ADAMTSL1: variants seen among roughly 807,000 people sequenced by gnomAD.
The protein encoded by ADAMTSL1 is ADAMTS-like protein 1.
ADAMTSL1 carries 126 observed loss-of-function variants against 201.8 expected under a neutral mutation model. That is an observed-to-expected ratio of 0.62 (90% CI 0.54 to 0.72). ADAMTSL1 has a LOEUF of 0.72. Ranked by LOEUF, ADAMTSL1 falls within the 30% of genes least tolerant of loss-of-function variation. The pLI is 0.00. For missense variants in ADAMTSL1, 2,679 were observed against 2,277.8 expected, an observed-to-expected ratio of 1.18 and a Z score of -3.59; for synonymous variants, 1,121 against 903.4, an observed-to-expected ratio of 1.24 and a Z score of -4.32.
chr9:18,726,289 G>C (rs1817886627), intron 15 of ADAMTSL1, among the ~76,000 whole-genome samples: 1 of 152,138 alleles, frequency 6.6e-6, no homozygotes, highest in African/African-American at 2.4e-5. Context: ...GATTGCTTAA[G>C]ATCGGGAGTT....
chr9:18,662,462 G>A (rs1029703463), intron 9 of ADAMTSL1, among the ~76,000 whole-genome samples: 10 of 152,058 alleles, frequency 6.6e-5, no homozygotes, highest in Non-Finnish European at 1.0e-4. Context: ...CTCTATTCCC[G>A]ATCAGGGACA....
At chr9:18,372,621 A>C (rs1254314091) in intron 2 of ADAMTSL1, among the ~76,000 whole-genome samples, 2 of 152,186 alleles carry the variant, frequency 1.3e-5, no homozygotes, top group Admixed American at 6.5e-5. Context: ...AATTTTTCCT[A>C]AATTTAATGT....
intron 2 of ADAMTSL1, among the ~76,000 whole-genome samples, chr9:18,215,665 C>G (rs536837873): frequency 1.3e-5 from 2 of 152,240 alleles, no homozygotes; most frequent in African/African-American, 4.8e-5. Flanking sequence ...ATTAGCTTGG[C>G]TTATAACTTT....
intron 2 of ADAMTSL1, among the ~76,000 whole-genome samples, chr9:18,176,012 A>G (rs1828134680): frequency 7.9e-6 from 1 of 126,002 alleles, no homozygotes; most frequent in Non-Finnish European, 1.8e-5. Flanking sequence ...GAAAGCAAAA[A>G]AAAAAAAAAA....
At chr9:18,822,277 C>A (rs1824257428) in intron 21 of ADAMTSL1, among the ~76,000 whole-genome samples, 1 of 152,126 alleles carries the variant, frequency 6.6e-6, no homozygotes, top group South Asian at 2.1e-4. Flanking sequence ...TCTCCCGCAA[C>A]CTGACCAAGC....
chr9:18,044,784 A>G (rs1021803381), intron 1 of ADAMTSL1, among the ~76,000 whole-genome samples: 4 of 152,152 alleles, frequency 2.6e-5, no homozygotes. Flanking sequence ...GACAACACAG[A>G]AAGTTATCAG....
At chr9:17,995,996 G>A (rs577562907) in intron 1 of ADAMTSL1, among the ~76,000 whole-genome samples, 2 of 151,908 alleles carry the variant, frequency 1.3e-5, no homozygotes, top group East Asian at 1.9e-4. Context: ...CCTTAGAATC[G>A]TGTCTAGCTC....
chr9:18,190,362 G>A (rs942801170), intron 2 of ADAMTSL1, among the ~76,000 whole-genome samples: 14 of 152,136 alleles, frequency 9.2e-5, no homozygotes, highest in African/African-American at 3.4e-4. Flanking sequence ...ATCCATCTAA[G>A]CTGACTTTAT....
At chr9:18,115,554 G>A (rs546376222) in intron 1 of ADAMTSL1, among the ~76,000 whole-genome samples, 2 of 152,248 alleles carry the variant, frequency 1.3e-5, no homozygotes, top group East Asian at 1.9e-4. Context: ...AAAAAAATCT[G>A]TATTTTGTTT....
intron 23 of ADAMTSL1, among the ~76,000 whole-genome samples, chr9:18,843,169 G>A (rs1416799092): frequency 1.3e-5 from 2 of 150,746 alleles, no homozygotes; most frequent in African/African-American, 5.0e-5. Flanking sequence ...GCAGTGGCTG[G>A]TACCGGTTGT....
intron 4 of ADAMTSL1, among the ~76,000 whole-genome samples, chr9:18,586,934 C>T (rs1183715984): frequency 2.0e-5 from 3 of 151,806 alleles, no homozygotes; most frequent in African/African-American, 7.3e-5. Context: ...ATATCATAGA[C>T]AAAAATTAAC....
At chr9:18,098,815 G>C (rs374259519) in intron 1 of ADAMTSL1, among the ~76,000 whole-genome samples, 1 of 152,218 alleles carries the variant, frequency 6.6e-6, no homozygotes, top group East Asian at 1.9e-4. Context: ...TCCATGCATT[G>C]TAATCTCATC....
intron 2 of ADAMTSL1, among the ~76,000 whole-genome samples, chr9:18,181,891 T>C (rs1262842025): frequency 1.3e-5 from 2 of 152,170 alleles, no homozygotes; most frequent in African/African-American, 2.4e-5. Flanking sequence ...CCAACCCAAA[T>C]GTCCAACAAA....
chr9:18,407,332 G>T (rs1467226898), intron 2 of ADAMTSL1, among the ~76,000 whole-genome samples: 1 of 152,156 alleles, frequency 6.6e-6, no homozygotes, highest in Non-Finnish European at 1.5e-5. Context: ...CCAAAAGCAT[G>T]AGGGAACATG....
intron 2 of ADAMTSL1, among the ~76,000 whole-genome samples, chr9:18,417,768 G>T (rs933832953): frequency 1.3e-5 from 2 of 152,042 alleles, no homozygotes; most frequent in African/African-American, 4.8e-5. Context: ...AGACCCAAAT[G>T]GTTTCACCGC....
chr9:18,572,673 C>T (rs901495360), intron 3 of ADAMTSL1, among the ~76,000 whole-genome samples: 5 of 152,054 alleles, frequency 3.3e-5, no homozygotes, highest in African/African-American at 9.7e-5. Context: ...ACTACCAGAG[C>T]GTTATATGCT....
chr9:17,946,693 T>A (rs982691835), intron 1 of ADAMTSL1, among the ~76,000 whole-genome samples: 18 of 152,276 alleles, frequency 1.2e-4, no homozygotes, highest in African/African-American at 4.3e-4. Flanking sequence ...AATTTCCAAT[T>A]AAATCTTTCA....
intron 2 of ADAMTSL1, among the ~76,000 whole-genome samples, chr9:18,516,226 G>A (rs1236395329): frequency 6.6e-6 from 1 of 152,064 alleles, no homozygotes; most frequent in Non-Finnish European, 1.5e-5. Context: ...TTCAGTCACT[G>A]AGAAAGAGAG....
Position 18,824,831 on chromosome 9 carries a change from G to C in ADAMTSL1, c.3935-1453G>C, listed in dbSNP as rs879419192. Reference sequence around the variant, plus strand: ...TCCTGCCTCAGCCTCCTGAGTAGCTGGGATTACAGGTGCCCACCACCATGC... The same window carrying C: ...TCCTGCCTCAGCCTCCTGAGTAGCTCGGATTACAGGTGCCCACCACCATGC... On this transcript the variant is annotated intron_variant, in intron 21 of 28. Transcript: ENST00000380548. 1.5e-4 allele frequency among the ~76,000 whole-genome samples: 22 copies of C among 150,680 alleles called. 1 individual carries two copies. The highest frequency in any genetic ancestry group is 7.3e-4 in the Admixed American group (11 of 15,036).
Sources: allele counts gnomAD v4.1 joint callset (sites outside exome capture counted in the v4.1 genomes callset), GRCh38; gene constraint gnomAD v4.1.1; transcripts MANE v1.5; gene names NCBI Gene and HGNC (gene_info 2026-07-23, HGNC 2026-07-21).